The following R3HCC1L variants were observed in gnomAD, a reference collection of about 807,000 sequenced individuals.
R3HCC1L encodes the protein coiled-coil domain-containing protein R3HCC1L.
R3HCC1L carries 51 observed loss-of-function variants against 59.9 expected under a neutral mutation model. The observed-to-expected ratio is 0.85, with a 90% CI of 0.68 to 1.07. The LOEUF (loss-of-function observed/expected upper bound fraction) is 1.07. R3HCC1L is among the 50% of genes least tolerant of loss of function. The pLI, the probability that R3HCC1L is intolerant of heterozygous loss-of-function variation, is 0.00. For synonymous variants in R3HCC1L, 322 were observed against 315.2 expected, an observed-to-expected ratio of 1.02 and a Z score of -0.23; for missense variants, 965 against 933.0, an observed-to-expected ratio of 1.03 and a Z score of -0.45.
chr10:98,235,712 G>C (rs1445935407), intron 8 of R3HCC1L, among the ~76,000 whole-genome samples, 192 bp downstream of exon 8: 1 of 152,228 alleles, frequency 6.6e-6, no homozygotes, highest in Non-Finnish European at 1.5e-5. Context: ...CAGCCACTTG[G>C]AGTGTGTGAG....
Position 98,220,167 on chromosome 10 carries a change from T to C in R3HCC1L, c.1785+10268T>C, listed in dbSNP as rs375191454. Among the ~76,000 whole-genome samples the C allele has an allele frequency of 3.6e-4, 55 of 152,188 alleles. 1 individual carries two copies. In the South Asian group the frequency reaches 0.011, roughly 31 times the overall value. ...TAGTCTGCTATTGCCCTCAATTGTA[T>C]TTTTTGTTTCATTCATTGAGTTCTT... On this transcript the variant is annotated intron_variant, in intron 5 of 9. Transcript: ENST00000298999.
intron 4 of R3HCC1L, among the ~76,000 whole-genome samples, chr10:98,181,550 T>G (rs1243941399): frequency 6.6e-6 from 1 of 152,178 alleles, no homozygotes; most frequent in Non-Finnish European, 1.5e-5. Flanking sequence ...TTTCCTGAAT[T>G]TGAATGTTGG....
At chr10:98,152,400 C>A (rs562985825) in intron 1 of R3HCC1L, among the ~76,000 whole-genome samples, 1 of 151,382 alleles carries the variant, frequency 6.6e-6, no homozygotes, top group Non-Finnish European at 1.5e-5. Context: ...AGGAGCGTCT[C>A]TGCCTGGCCG....
chr10:98,230,715 G>A (rs769847261), intron 5 of R3HCC1L, among the ~76,000 whole-genome samples: 13 of 152,170 alleles, frequency 8.5e-5, no homozygotes, highest in Non-Finnish European at 1.2e-4. Flanking sequence ...TGGGCATTTA[G>A]TGCTATAAAT....
At chr10:98,229,506 T>C (rs1272546847) in intron 5 of R3HCC1L, among the ~76,000 whole-genome samples, 2 of 152,204 alleles carry the variant, frequency 1.3e-5, no homozygotes, top group Admixed American at 6.5e-5. Flanking sequence ...TTTCTAGATA[T>C]ACAATCATGT....
Position 98,209,469 on chromosome 10 carries a change from C to A in R3HCC1L, c.1355C>A (p.Ser452Ter). Residue 452 changes from serine to a stop codon, truncating the protein, a stop_gained, in exon 5 of 10, where the codon TCA (serine) becomes TAA (stop). Coordinates refer to ENST00000298999, the MANE Select transcript of R3HCC1L (RefSeq NM_001351015.2). LOFTEE classifies it high-confidence loss of function. ...TCAGATATTTATGGTGAGAGTATTT[C>A]ATCTCATTTTACAGAGTCAACAGGA... ...ACSDIYGESI[S>*]SHFTESTGKL... 6.2e-7 allele frequency: 1 copy of A among 1,613,668 alleles called. No individual in the cohort carries two copies. The highest frequency in any genetic ancestry group is 8.5e-7 in the Non-Finnish European group (1 of 1,179,976).
chr10:98,221,223 G>A (rs1590772745), intron 5 of R3HCC1L, among the ~76,000 whole-genome samples: 1 of 151,898 alleles, frequency 6.6e-6, no homozygotes, highest in African/African-American at 2.4e-5. Context: ...TGTTGATGGG[G>A]TTGTTTGTTT....
intron 4 of R3HCC1L, among the ~76,000 whole-genome samples, chr10:98,187,467 C>T (rs1401197381): frequency 6.6e-6 from 1 of 151,932 alleles, no homozygotes; most frequent in Non-Finnish European, 1.5e-5. Flanking sequence ...ACATATTTCC[C>T]ATCTGTAAAA....
At position 98,207,980 on chromosome 10, in the gene R3HCC1L, G is replaced by A. The variant is rs962904445; in HGVS notation, c.-14-121G>A. ...GCAGAGGTTACAGTGAGCTGAGATC[G>A]CTCCACTGTACTCTAGCCTGGGTGA... On this transcript the variant is annotated intron_variant, in intron 4 of 9. Transcript: ENST00000298999. 3.6e-5 allele frequency: 32 copies of A among 897,982 alleles called. No homozygotes were observed. The Middle Eastern group carries it at 1.1e-3, about 30-fold the overall frequency. The allele number at this position is 897,982 out of a possible 1,614,324, so 55.6% of individuals were successfully genotyped here.
At chr10:98,175,268 G>A (rs963761790) in intron 4 of R3HCC1L, among the ~76,000 whole-genome samples, 7 of 152,160 alleles carry the variant, frequency 4.6e-5, no homozygotes, top group Admixed American at 3.9e-4. Context: ...GGTCAGTGCT[G>A]TCAGCTGTAT....
intron 4 of R3HCC1L, among the ~76,000 whole-genome samples, chr10:98,188,378 A>G (rs1008473934): frequency 3.9e-5 from 6 of 152,192 alleles, no homozygotes; most frequent in African/African-American, 1.4e-4. Context: ...GCTAAAATAT[A>G]CAAGTATTCA....
intron 4 of R3HCC1L, among the ~76,000 whole-genome samples, chr10:98,195,498 A>G (rs1851329960): frequency 1.3e-5 from 2 of 151,882 alleles, no homozygotes; most frequent in African/African-American, 4.8e-5. Context: ...AGCATACAAA[A>G]CAAAATGTTA....
At chr10:98,136,294 A>G (rs1844579238) in intron 1 of R3HCC1L, among the ~76,000 whole-genome samples, 1 of 152,224 alleles carries the variant, frequency 6.6e-6, no homozygotes, top group South Asian at 2.1e-4. Context: ...AAGTTGCATT[A>G]GCTTAGTGTA....
chr10:98,183,974 G>A (rs866308015), intron 4 of R3HCC1L, among the ~76,000 whole-genome samples: 5 of 56,730 alleles, frequency 8.8e-5, no homozygotes, highest in African/African-American at 3.5e-4. Flanking sequence ...TTTTTTTTTT[G>A]GTTGAAATCT....
chr10:98,226,127 A>G (rs2135539532), intron 5 of R3HCC1L, among the ~76,000 whole-genome samples: 1 of 152,302 alleles, frequency 6.6e-6, no homozygotes, highest in Non-Finnish European at 1.5e-5. Flanking sequence ...GGTCTGTGCC[A>G]CCATGCCTGG....
intron 1 of R3HCC1L, among the ~76,000 whole-genome samples, chr10:98,145,076 G>A (rs1003559436): frequency 5.3e-5 from 8 of 152,168 alleles, no homozygotes; most frequent in Non-Finnish European, 1.0e-4. Flanking sequence ...AAGAATTAAG[G>A]GACAATATTG....
At chr10:98,173,721 C>G (rs1848737823) in intron 4 of R3HCC1L, among the ~76,000 whole-genome samples, 1 of 152,016 alleles carries the variant, frequency 6.6e-6, no homozygotes, top group Admixed American at 6.6e-5. Context: ...CTTTTTTCCC[C>G]CTAACCACAG....
chr10:98,195,126 T>C (rs908544404), intron 4 of R3HCC1L, among the ~76,000 whole-genome samples: 2 of 152,164 alleles, frequency 1.3e-5, no homozygotes, highest in Non-Finnish European at 2.9e-5. Flanking sequence ...CAACAGAATA[T>C]CATCCAACCT....
At position 98,209,101 on chromosome 10, in the gene R3HCC1L, G is replaced by A; in HGVS notation, c.987G>A (p.Met329Ile). ...ESTNDTVSPV[M>I]IRECEKNDST... ...CAAATGACACTGTTAGTCCAGTAAT[G>A]ATTAGAGAATGTGAGAAGAATGACA... is the stretch of plus-strand genomic sequence containing the variant. The change falls in exon 5 of 10, where the codon ATG becomes ATA. Residue 329 changes from methionine (M) to isoleucine (I), a missense_variant. Met to Ile is a conservative substitution (Grantham distance 10). Transcript: ENST00000298999. 2 of 1,614,076 alleles carry A rather than the reference G, an allele frequency of 1.2e-6. No homozygotes were observed. The highest frequency in any genetic ancestry group is 4.5e-5 in the East Asian group (2 of 44,872).
Sources: gnomAD v4.1 joint callset for allele counts (sites outside exome capture counted in the v4.1 genomes callset) on GRCh38, gnomAD v4.1.1 for gene constraint, MANE v1.5 for transcripts, NCBI Gene and HGNC (gene_info 2026-07-23, HGNC 2026-07-21) for gene names.